Variants in TMEM51 observed in about 807,000 individuals in gnomAD.
TMEM51 encodes the protein chromosome 1 open reading frame 72.
TMEM51 carries 8 observed loss-of-function variants against 13.6 expected under a neutral mutation model. The observed-to-expected ratio is 0.59, with a 90% CI of 0.35 to 1.07. The LOEUF is 1.07. Among genes scored for constraint, TMEM51 ranks in the 50% least tolerant of loss-of-function variants. The pLI is 0.02. For synonymous variants in TMEM51, 147 were observed against 144.4 expected (o/e 1.02, Z -0.13); for missense variants, 279 against 330.7 (o/e 0.84, Z 1.21).
At chr1:15,179,797 C>G (rs1250096069) in intron 1 of TMEM51, among the ~76,000 whole-genome samples, 1 of 152,066 alleles carries the variant, frequency 6.6e-6, no homozygotes, top group East Asian at 1.9e-4. Flanking sequence ...GCAACACAAA[C>G]AAATGCAAAA....
At chr1:15,210,050 G>A (rs954645599) in intron 1 of TMEM51, among the ~76,000 whole-genome samples, 1 of 152,126 alleles carries the variant, frequency 6.6e-6, no homozygotes, top group African/African-American at 2.4e-5. Context: ...AAGGGAGGAA[G>A]GGAGGGAGAC....
upstream of TMEM51, among the ~76,000 whole-genome samples, chr1:15,153,327 G>C (rs1473784733): frequency 6.6e-6 from 1 of 152,150 alleles, no homozygotes; most frequent in African/African-American, 2.4e-5. Context: ...GGGTCTCCCA[G>C]CTCCACTTAA....
In TMEM51 at chr1:15,219,722, CG is replaced by C; in HGVS notation, c.742del (p.Asp248ThrfsTer27). The C allele has an allele frequency of 1.2e-6, 2 of 1,613,184 alleles. No individual in the cohort carries two copies. On this transcript the variant is annotated frameshift_variant, in exon 4 of 4. Coordinates refer to ENST00000376008, the MANE Select transcript of TMEM51 (RefSeq NM_001136218.2). LOFTEE classifies it high-confidence loss of function. ...ATGATGAAGTCCAGGAGAAGGCCCCCGACACCCGGCCGCCCGACTGAATGGC... is the reference window on the plus strand; with the variant it reads ...ATGATGAAGTCCAGGAGAAGGCCCCCACACCCGGCCGCCCGACTGAATGGC... ...QYDEVQEKAP[D>X]TRPPD
intron 1 of TMEM51, among the ~76,000 whole-genome samples, chr1:15,174,660 A>C (rs903016710): frequency 3.3e-5 from 5 of 152,180 alleles, no homozygotes; most frequent in Non-Finnish European, 7.4e-5. Context: ...TGCCATATAA[A>C]TATCATACAC....
chr1:15,219,623 AGACTTTAG>A lies in TMEM51; in HGVS notation c.645_652del (p.Phe216GlnfsTer22). On this transcript the variant is annotated frameshift_variant, in exon 4 of 4. Transcript: ENST00000376008. LOFTEE classifies it high-confidence loss of function. ...TTAAATCTGAAAAGCTTCACCTCAA[AGACTTTAG>A]GATCAACCTCCCAGACAAAAACGTC... 6.2e-7 allele frequency: 1 copy of A among 1,614,060 alleles called. No homozygotes were observed. Among genetic ancestry groups the A allele is most frequent in the Non-Finnish European group, 8.5e-7 (1 of 1,180,032 alleles).
chr1:15,170,614 A>C (rs1265187423), intron 1 of TMEM51, among the ~76,000 whole-genome samples: 1 of 151,998 alleles, frequency 6.6e-6, no homozygotes, highest in Non-Finnish European at 1.5e-5. Flanking sequence ...CACCTGGCCT[A>C]TTTTAACCAT....
chr1:15,173,355 G>T (rs1250979030), intron 1 of TMEM51, among the ~76,000 whole-genome samples: 1 of 151,600 alleles, frequency 6.6e-6, no homozygotes, highest in Non-Finnish European at 1.5e-5. Flanking sequence ...GAGTAGCTGG[G>T]ATTACAAGCG....
At chr1:15,181,703 G>T (rs1643621573) in intron 1 of TMEM51, among the ~76,000 whole-genome samples, 1 of 152,190 alleles carries the variant, frequency 6.6e-6, no homozygotes, top group South Asian at 2.1e-4. Flanking sequence ...TATTTATTTT[G>T]TATGCTTGCT....
chr1:15,168,728 G>A (rs1259623505), intron 1 of TMEM51: 16 of 1,304,394 alleles, frequency 1.2e-5, no homozygotes, highest in East Asian at 5.5e-5. Context: ...GACTGGGAAC[G>A]TCTCACAGAA....
intron 1 of TMEM51, among the ~76,000 whole-genome samples, chr1:15,194,644 T>C (rs1573424405): frequency 1.3e-5 from 2 of 152,152 alleles, no homozygotes; most frequent in East Asian, 3.9e-4. Flanking sequence ...TATCTTTTCG[T>C]TGTTATTCTT....
At chr1:15,211,727 G>C (rs1402244142) in intron 2 of TMEM51, among the ~76,000 whole-genome samples, 1 of 150,146 alleles carries the variant, frequency 6.7e-6, no homozygotes, top group East Asian at 2.0e-4. Context: ...CAATCAGATT[G>C]TGAAAATTCA....
chr1:15,200,340 C>T (rs1644129210), intron 1 of TMEM51, among the ~76,000 whole-genome samples: 2 of 137,130 alleles, frequency 1.5e-5, no homozygotes, highest in African/African-American at 2.8e-5. Flanking sequence ...CCTGGGATAT[C>T]GAGACTGCAG....
chr1:15,215,477 C>T (rs767543917), intron 3 of TMEM51, 46 bp downstream of exon 3: 32 of 1,482,178 alleles, frequency 2.2e-5, no homozygotes, highest in Middle Eastern at 4.8e-4. Flanking sequence ...GGGATGGGCA[C>T]GCACGCATGC....
chr1:15,215,514 T>C (rs1644417910), intron 3 of TMEM51, 83 bp downstream of exon 3: 2 of 1,265,430 alleles, frequency 1.6e-6, no homozygotes, highest in African/African-American at 1.5e-5. Context: ...CTTTCCGTGG[T>C]GAAAAGACTG....
intron 1 of TMEM51, among the ~76,000 whole-genome samples, chr1:15,176,316 C>A (rs530892470): frequency 2.0e-5 from 3 of 152,138 alleles, no homozygotes; most frequent in Non-Finnish European, 4.4e-5. Flanking sequence ...TTCAGCCCTG[C>A]GTGTTAAACT....
At chr1:15,196,818 A>T (rs1236062304) in intron 1 of TMEM51, among the ~76,000 whole-genome samples, 3 of 152,240 alleles carry the variant, frequency 2.0e-5, no homozygotes, top group African/African-American at 7.2e-5. Flanking sequence ...GTCACCTATT[A>T]ATTCAGCTAG....
chr1:15,192,033 A>G (rs141690353), intron 1 of TMEM51: 461 of 529,906 alleles, frequency 8.7e-4, no homozygotes, highest in African/African-American at 8.2e-3. Flanking sequence ...TTGAAATGCC[A>G]TACGTGATGT....
intron 1 of TMEM51, chr1:15,168,374 AGAAG>A (rs1307840138): frequency 3.6e-6 from 4 of 1,125,266 alleles, no homozygotes; most frequent in Admixed American, 3.6e-5. Flanking sequence ...GGGGAAGAAA[AGAAG>A]GAAGGAAGGA....
chr1:15,167,978 CA>C (rs1265910400), intron 1 of TMEM51, among the ~76,000 whole-genome samples: 1 of 152,106 alleles, frequency 6.6e-6, no homozygotes. Context: ...AAAGGATGTC[CA>C]ATGAAAAAAT....
Sources: gnomAD v4.1 joint callset for allele counts (sites outside exome capture counted in the v4.1 genomes callset) on GRCh38, gnomAD v4.1.1 for gene constraint, MANE v1.5 for transcripts, NCBI Gene and HGNC (gene_info 2026-07-23, HGNC 2026-07-21) for gene names.